Variants in SRGAP1 observed in about 807,000 individuals in gnomAD.
SRGAP1 encodes the protein SLIT-ROBO Rho GTPase activating protein 1.
SRGAP1 carries 43 observed loss-of-function variants against 121.9 expected under a neutral mutation model. The observed-to-expected ratio is 0.35, with a 90% confidence interval of 0.28 to 0.46. The LOEUF (loss-of-function observed/expected upper bound fraction) is 0.46. Among genes scored for constraint, SRGAP1 ranks in the 20% least tolerant of loss-of-function variants. The pLI, the probability that SRGAP1 is intolerant of heterozygous loss-of-function variation, is 1.00. For synonymous variants in SRGAP1, 447 were observed against 485.4 expected (o/e 0.92, Z 1.04); for missense variants, 1,102 against 1,350.9 (o/e 0.82, Z 2.89).
At chr12:63,903,446 A>G (rs937503402) in intron 1 of SRGAP1, among the ~76,000 whole-genome samples, 1 of 152,092 alleles carries the variant, frequency 6.6e-6, no homozygotes, top group African/African-American at 2.4e-5. Flanking sequence ...GGGTTTCATC[A>G]TGTTGGCCAG....
chr12:63,979,415 T>C (rs571150585), intron 1 of SRGAP1, among the ~76,000 whole-genome samples: 1 of 152,244 alleles, frequency 6.6e-6, no homozygotes, highest in Admixed American at 6.5e-5. Context: ...TACAAGTTCC[T>C]TATCAGACAT....
At chr12:63,987,928 C>G (rs188439626) in intron 2 of SRGAP1, among the ~76,000 whole-genome samples, 3 of 152,242 alleles carry the variant, frequency 2.0e-5, no homozygotes, top group Admixed American at 2.0e-4. Context: ...CATGAACAAT[C>G]TTATAAGCAC....
intron 8 of SRGAP1, 60 bp downstream of exon 8, chr12:64,065,279 T>G: frequency 7.4e-7 from 1 of 1,353,062 alleles, no homozygotes; most frequent in South Asian, 1.2e-5. Context: ...CTGGAAGACA[T>G]TCTCACATGA....
intron 1 of SRGAP1, among the ~76,000 whole-genome samples, chr12:63,949,852 T>G (rs1041968424): frequency 6.6e-6 from 1 of 152,186 alleles, no homozygotes; most frequent in African/African-American, 2.4e-5. Context: ...AATGATTCTT[T>G]GGAGGAAAAA....
At chr12:64,068,300 G>A (rs1333124676) in intron 8 of SRGAP1, among the ~76,000 whole-genome samples, 17 of 137,096 alleles carry the variant, frequency 1.2e-4, no homozygotes, top group African/African-American at 4.7e-4. Flanking sequence ...AAAAAAAGTA[G>A]TAGGCACCAC....
intron 1 of SRGAP1, among the ~76,000 whole-genome samples, chr12:63,856,277 T>TAAAG: frequency 6.8e-6 from 1 of 146,670 alleles, no homozygotes; most frequent in South Asian, 2.1e-4. Context: ...AATAAATAAA[T>TAAAG]AAATAAATAA....
intron 1 of SRGAP1, among the ~76,000 whole-genome samples, chr12:63,908,689 T>G (rs2030344841): frequency 6.6e-6 from 1 of 152,028 alleles, no homozygotes; most frequent in Admixed American, 6.6e-5. Context: ...TGTACCCAGC[T>G]GTTAAACTTC....
chr12:64,135,362 C>T (rs1376483074), intron 21 of SRGAP1, among the ~76,000 whole-genome samples: 1 of 152,164 alleles, frequency 6.6e-6, no homozygotes, highest in African/African-American at 2.4e-5. Flanking sequence ...AGTTCTTTAT[C>T]TGTGGGAGAT....
At chr12:63,892,001 AAAAAAAG>A (rs1169708198) in intron 1 of SRGAP1, among the ~76,000 whole-genome samples, 5 of 149,062 alleles carry the variant, frequency 3.4e-5, no homozygotes, top group African/African-American at 7.4e-5. Flanking sequence ...AAAAAAAAAG[AAAAAAAG>A]AAAAAAGAAA....
At chr12:64,125,423 A>G (rs1412226728) in intron 18 of SRGAP1, among the ~76,000 whole-genome samples, 4 of 152,212 alleles carry the variant, frequency 2.6e-5, no homozygotes, top group Admixed American at 2.6e-4. Context: ...TGAAGATTTG[A>G]TAGTGCCAGA....
At chr12:63,961,090 G>A (rs1482159186) in intron 1 of SRGAP1, among the ~76,000 whole-genome samples, 4 of 152,076 alleles carry the variant, frequency 2.6e-5, no homozygotes. Flanking sequence ...TGTGCTGTCA[G>A]ATATCACGTA....
intron 1 of SRGAP1, among the ~76,000 whole-genome samples, chr12:63,908,586 C>T (rs2030338352): frequency 1.3e-5 from 2 of 152,188 alleles, no homozygotes; most frequent in South Asian, 2.1e-4. Flanking sequence ...GACAGGGTTT[C>T]ACCATGTTGG....
chr12:63,864,247 G>T (rs1899549300), intron 1 of SRGAP1, among the ~76,000 whole-genome samples: 1 of 152,122 alleles, frequency 6.6e-6, no homozygotes, highest in Non-Finnish European at 1.5e-5. Context: ...GAATTACGTT[G>T]TGAAATAATG....
At chr12:63,939,431 C>T (rs538998928) in intron 1 of SRGAP1, among the ~76,000 whole-genome samples, 4 of 151,960 alleles carry the variant, frequency 2.6e-5, no homozygotes, top group East Asian at 3.9e-4. Context: ...TTCAGAAAGG[C>T]GTAAGGGAAC....
intron 1 of SRGAP1, among the ~76,000 whole-genome samples, chr12:63,950,662 C>T (rs988949445): frequency 3.9e-5 from 6 of 151,988 alleles, no homozygotes; most frequent in African/African-American, 9.7e-5. Flanking sequence ...TCCCAGAGCC[C>T]GCCATCTTAA....
intron 6 of SRGAP1, among the ~76,000 whole-genome samples, chr12:64,050,696 T>C (rs2035221004): frequency 6.6e-6 from 1 of 152,168 alleles, no homozygotes; most frequent in South Asian, 2.1e-4. Context: ...TTAAGTATTT[T>C]TTAATCCAGG....
At chr12:64,028,033 C>T (rs1593057857) in intron 4 of SRGAP1, among the ~76,000 whole-genome samples, 1 of 152,158 alleles carries the variant, frequency 6.6e-6, no homozygotes, top group East Asian at 1.9e-4. Flanking sequence ...GAAACATTTC[C>T]CTGAGAACTA....
At chr12:63,980,874 G>A (rs1014930015) in intron 1 of SRGAP1, among the ~76,000 whole-genome samples, 1 of 152,128 alleles carries the variant, frequency 6.6e-6, no homozygotes, top group African/African-American at 2.4e-5. Context: ...GATTACAGGC[G>A]TGAACCACCG....
At chr12:63,976,354 C>T (rs552837663) in intron 1 of SRGAP1, among the ~76,000 whole-genome samples, 1 of 152,232 alleles carries the variant, frequency 6.6e-6, no homozygotes, top group South Asian at 2.1e-4. Flanking sequence ...CTTCCTTCAG[C>T]CAGACTCCTG....
Sources: gnomAD v4.1 joint callset for allele counts (sites outside exome capture counted in the v4.1 genomes callset) on GRCh38, gnomAD v4.1.1 for gene constraint, MANE v1.5 for transcripts, NCBI Gene and HGNC (gene_info 2026-07-23, HGNC 2026-07-21) for gene names.